CUX2: variants seen among roughly 807,000 people sequenced by gnomAD.
CUX2 encodes cut like homeobox 2, also known as homeobox protein cut-like 2.
CUX2 carries 40 observed loss-of-function variants against 144.8 expected under a neutral mutation model. The observed-to-expected ratio is 0.28, with a 90% confidence interval of 0.21 to 0.36. CUX2 has a LOEUF of 0.36. CUX2 is among the 10% of genes least tolerant of loss of function. The pLI is 1.00. For synonymous variants in CUX2, 827 were observed against 875.6 expected (o/e 0.94, Z 0.98); for missense variants, 1,615 against 1,994.0 (o/e 0.81, Z 3.62).
At chr12:111,218,345 T>A (rs1055026065) in intron 3 of CUX2, among the ~76,000 whole-genome samples, 16 of 151,636 alleles carry the variant, frequency 1.1e-4, no homozygotes, top group African/African-American at 3.6e-4. Context: ...AAGACCCCCA[T>A]CTCTACAAAA....
At chr12:111,098,779 A>T (rs946422415) in intron 1 of CUX2, among the ~76,000 whole-genome samples, 8 of 152,186 alleles carry the variant, frequency 5.3e-5, no homozygotes, top group Admixed American at 5.2e-4. Flanking sequence ...AGTTCAGAGG[A>T]GGAGGACAGT....
chr12:111,240,536 G>C (rs1050540813), intron 3 of CUX2, among the ~76,000 whole-genome samples: 1 of 152,240 alleles, frequency 6.6e-6, no homozygotes, highest in African/African-American at 2.4e-5. Context: ...ATCAGTGTCA[G>C]CCCCTGGTCC....
chr12:111,053,658 C>A (rs1299167842), intron 1 of CUX2, among the ~76,000 whole-genome samples: 1 of 152,224 alleles, frequency 6.6e-6, no homozygotes, highest in East Asian at 1.9e-4. Flanking sequence ...TTCCCTGACT[C>A]TGCGCTGGGT....
chr12:111,116,082 C>T (rs1874286207), intron 1 of CUX2, among the ~76,000 whole-genome samples: 1 of 152,188 alleles, frequency 6.6e-6, no homozygotes. Context: ...TTAGTTCCTG[C>T]TGATATGCAT....
At chr12:111,208,306 G>T (rs1881030529) in intron 1 of CUX2, among the ~76,000 whole-genome samples, 1 of 152,108 alleles carries the variant, frequency 6.6e-6, no homozygotes, top group African/African-American at 2.4e-5. Context: ...AGATAGGCGG[G>T]ATCTCAGGTT....
At chr12:111,220,742 GCAAA>G (rs1331177690) in intron 3 of CUX2, among the ~76,000 whole-genome samples, 74 of 38,682 alleles carry the variant, frequency 1.9e-3, no homozygotes, top group Non-Finnish European at 2.6e-3. Context: ...CCTCATCTCT[GCAAA>G]AAAAAAAAAA....
intron 1 of CUX2, among the ~76,000 whole-genome samples, chr12:111,089,073 G>A (rs762368492): frequency 2.0e-4 from 30 of 152,192 alleles, no homozygotes; most frequent in Non-Finnish European, 3.5e-4. Flanking sequence ...ACTGAGGCAC[G>A]GGGCGAAGGG....
chr12:111,268,478 A>T (rs1357190734), intron 4 of CUX2, among the ~76,000 whole-genome samples: 1 of 152,208 alleles, frequency 6.6e-6, no homozygotes, highest in Non-Finnish European at 1.5e-5. Context: ...GCCAGTACAC[A>T]TGTGCCTGCT....
chr12:111,143,188 AG>A (rs1448409421), intron 1 of CUX2, among the ~76,000 whole-genome samples: 1 of 152,134 alleles, frequency 6.6e-6, no homozygotes, highest in Non-Finnish European at 1.5e-5. Context: ...AACCAGCAAC[AG>A]GGGGGCCACA....
intron 1 of CUX2, among the ~76,000 whole-genome samples, chr12:111,189,538 C>T (rs1263693605): frequency 6.6e-6 from 1 of 152,230 alleles, no homozygotes; most frequent in African/African-American, 2.4e-5. Context: ...ATGCTCGTGG[C>T]CACACCGTAG....
chr12:111,220,629 A>G (rs1232435638), intron 3 of CUX2, among the ~76,000 whole-genome samples: 1 of 151,540 alleles, frequency 6.6e-6, no homozygotes, highest in Non-Finnish European at 1.5e-5. Flanking sequence ...TTCAGAAGCC[A>G]GGTGCAGTCA....
chr12:111,258,446 G>T (rs1263888930), intron 3 of CUX2, among the ~76,000 whole-genome samples: 2 of 151,234 alleles, frequency 1.3e-5, no homozygotes, highest in Non-Finnish European at 2.9e-5. Flanking sequence ...CTGGGAGGTG[G>T]AGGTTGCAGT....
chr12:111,311,933 T>C (rs958555499), intron 15 of CUX2, among the ~76,000 whole-genome samples, 167 bp from the exon 16 acceptor site: 1 of 152,042 alleles, frequency 6.6e-6, no homozygotes, highest in Non-Finnish European at 1.5e-5. Flanking sequence ...CCAGAATCAC[T>C]CACAGGCCCA....
At chr12:111,261,327 C>T (rs1884114003) in intron 3 of CUX2, among the ~76,000 whole-genome samples, 1 of 152,176 alleles carries the variant, frequency 6.6e-6, no homozygotes. Context: ...GCTTCTGGCA[C>T]ACAGTAAACG....
chr12:111,158,709 G>A (rs1182229067), intron 1 of CUX2, among the ~76,000 whole-genome samples: 1 of 152,048 alleles, frequency 6.6e-6, no homozygotes, highest in Non-Finnish European at 1.5e-5. Context: ...GGGAAATGTT[G>A]TGAGATTATT....
intron 1 of CUX2, among the ~76,000 whole-genome samples, chr12:111,036,298 G>A (rs1869439218): frequency 6.6e-6 from 1 of 152,194 alleles, no homozygotes; most frequent in African/African-American, 2.4e-5. Flanking sequence ...TTCAATCCGG[G>A]GAGCTCGGGC....
chr12:111,127,240 T>C (rs1433287660), intron 1 of CUX2, among the ~76,000 whole-genome samples: 6 of 152,258 alleles, frequency 3.9e-5, no homozygotes, highest in African/African-American at 1.4e-4. Flanking sequence ...CATATTCCCT[T>C]GGCCTTCGGC....
intron 1 of CUX2, among the ~76,000 whole-genome samples, chr12:111,209,494 TATTA>T (rs1405684310): frequency 6.6e-6 from 1 of 152,176 alleles, no homozygotes; most frequent in Non-Finnish European, 1.5e-5. Flanking sequence ...TGAAGAGAAA[TATTA>T]ATTAATCATA....
chr12:111,259,283 T>C (rs976515677), intron 3 of CUX2, among the ~76,000 whole-genome samples: 2 of 152,192 alleles, frequency 1.3e-5, no homozygotes, highest in Non-Finnish European at 2.9e-5. Context: ...AGCTAACTTT[T>C]TTCTGTAAGG....
Sources: gnomAD v4.1 joint callset for allele counts (sites outside exome capture counted in the v4.1 genomes callset) on GRCh38, gnomAD v4.1.1 for gene constraint, MANE v1.5 for transcripts, NCBI Gene and HGNC (gene_info 2026-07-23, HGNC 2026-07-21) for gene names.